The following ZBTB20 variants were observed in gnomAD, a reference collection of about 807,000 sequenced individuals.
The protein encoded by ZBTB20 is zinc finger and BTB domain-containing protein 20.
ZBTB20 carries 9 observed loss-of-function variants against 56.9 expected under a neutral mutation model. The ratio of observed to expected loss-of-function variants is 0.16; its 90% CI spans 0.10 to 0.28. The LOEUF (loss-of-function observed/expected upper bound fraction) is 0.28. ZBTB20 is among the 10% of genes least tolerant of loss of function. The probability of loss-of-function intolerance (pLI) is 1.00; values close to 1 mark genes in which losing one functional copy is unlikely to be tolerated. For missense variants in ZBTB20, 655 were observed against 1,003.0 expected (o/e 0.65, Z 4.69); for synonymous variants, 417 against 420.7 (o/e 0.99, Z 0.11).
intron 2 of ZBTB20, among the ~76,000 whole-genome samples, chr3:115,033,083 T>C (rs1313335339): frequency 6.6e-6 from 1 of 151,104 alleles, no homozygotes; most frequent in African/African-American, 2.4e-5. Context: ...AAGTTGGTTC[T>C]TCAAAAATAT....
chr3:114,481,761 G>T (rs1006962952), intron 7 of ZBTB20, among the ~76,000 whole-genome samples: 1 of 152,206 alleles, frequency 6.6e-6, no homozygotes. Flanking sequence ...ATGCTGAAAG[G>T]ACAATGGGAA....
At chr3:114,586,053 C>T (rs539273738) in intron 6 of ZBTB20, among the ~76,000 whole-genome samples, 32 of 152,250 alleles carry the variant, frequency 2.1e-4, no homozygotes, top group East Asian at 9.7e-4. Flanking sequence ...GCAACTGGTG[C>T]GCTCCTGTTT....
intron 5 of ZBTB20, among the ~76,000 whole-genome samples, chr3:114,700,797 A>G (rs1034275221): frequency 1.3e-5 from 2 of 152,178 alleles, no homozygotes; most frequent in Non-Finnish European, 2.9e-5. Context: ...GATAGCAGGG[A>G]CATTGCTGCC....
intron 6 of ZBTB20, among the ~76,000 whole-genome samples, chr3:114,674,843 T>TA (rs1455872490): frequency 6.6e-6 from 1 of 151,824 alleles, no homozygotes; most frequent in Non-Finnish European, 1.5e-5. Flanking sequence ...TTTGTTTAAA[T>TA]ATATACATAC....
At chr3:114,591,820 T>G (rs2055795728) in intron 6 of ZBTB20, among the ~76,000 whole-genome samples, 1 of 152,198 alleles carries the variant, frequency 6.6e-6, no homozygotes, top group African/African-American at 2.4e-5. Context: ...CAAATTGTTG[T>G]TATTTGGACA....
chr3:114,812,993 C>A (rs2072663703), intron 4 of ZBTB20, among the ~76,000 whole-genome samples: 1 of 152,232 alleles, frequency 6.6e-6, no homozygotes, highest in African/African-American at 2.4e-5. Context: ...TCGCGCTTGC[C>A]CGCAAGCACC....
chr3:114,454,400 T>G (rs1576841169), intron 7 of ZBTB20, among the ~76,000 whole-genome samples: 2 of 151,282 alleles, frequency 1.3e-5, no homozygotes, highest in African/African-American at 4.9e-5. Flanking sequence ...CACCCCCCGT[T>G]GTACTGCTTC....
chr3:114,556,057 C>A (rs2051180361), intron 6 of ZBTB20, among the ~76,000 whole-genome samples: 1 of 152,084 alleles, frequency 6.6e-6, no homozygotes, highest in African/African-American at 2.4e-5. Context: ...ATCTCACTAT[C>A]CACTATTAGC....
intron 3 of ZBTB20, among the ~76,000 whole-genome samples, chr3:114,934,846 T>C (rs1576365674): frequency 6.6e-6 from 1 of 152,224 alleles, no homozygotes; most frequent in South Asian, 2.1e-4. Context: ...TTGTTAATTA[T>C]CATCACAAAA....
At chr3:115,032,958 T>TAAAAAAAA (rs77048136) in intron 2 of ZBTB20, among the ~76,000 whole-genome samples, 21 of 56,428 alleles carry the variant, frequency 3.7e-4, no homozygotes, top group East Asian at 1.0e-3. Context: ...CCTAAGGAAC[T>TAAAAAAAA]AAAAAAAAAA....
At chr3:114,847,210 C>A (rs924005690) in intron 4 of ZBTB20, among the ~76,000 whole-genome samples, 1 of 151,708 alleles carries the variant, frequency 6.6e-6, no homozygotes, top group African/African-American at 2.4e-5. Flanking sequence ...TCACAATGGT[C>A]ACCTTGGAAG....
At chr3:114,589,152 A>G (rs1413272531) in intron 6 of ZBTB20, among the ~76,000 whole-genome samples, 1 of 152,230 alleles carries the variant, frequency 6.6e-6, no homozygotes, top group African/African-American at 2.4e-5. Flanking sequence ...GGGTGAGGAC[A>G]CAGCCAAACC....
intron 1 of ZBTB20, among the ~76,000 whole-genome samples, chr3:115,146,057 G>A (rs1490645134): frequency 1.3e-5 from 2 of 152,150 alleles, no homozygotes; most frequent in Admixed American, 1.3e-4. Flanking sequence ...AAGGTAACAT[G>A]TTCAACTTAG....
intron 7 of ZBTB20, among the ~76,000 whole-genome samples, chr3:114,410,020 C>T (rs971095595): frequency 6.6e-6 from 1 of 151,986 alleles, no homozygotes; most frequent in African/African-American, 2.4e-5. Flanking sequence ...TAGCCTTTAT[C>T]GAAGTCTGGG....
chr3:114,510,863 C>T lies in ZBTB20; in HGVS notation c.-294-10472G>A, dbSNP rs148508155. On this transcript the variant is annotated intron_variant, in intron 6 of 11. Transcript: ENST00000675478. Reference sequence around the variant, plus strand: ...GGGGTAAAAGACCGAGAGCTCCTTCCCTATCCCGAATAGCTTCAAGAGAAG... The same window carrying T: ...GGGGTAAAAGACCGAGAGCTCCTTCTCTATCCCGAATAGCTTCAAGAGAAG... Among the ~76,000 whole-genome samples, 682 of 152,018 alleles carry T rather than the reference C, an allele frequency of 4.5e-3. 2 individuals carry two copies. The highest frequency in any genetic ancestry group is 0.015 in the African/African-American group (638 of 41,476).
At position 114,330,903 on chromosome 3, in the gene ZBTB20, G is replaced by A. The variant is rs1560073952; in HGVS notation, c.*8102C>T. 6.6e-6 allele frequency: 1 copy of A among 152,126 alleles called. No homozygotes were observed. Among genetic ancestry groups the A allele is most frequent in the Non-Finnish European group, 1.5e-5 (1 of 68,034 alleles). 9.4% of individuals were successfully genotyped at this position (152,126 alleles called of 1,614,324 possible). A position where few individuals can be genotyped will look rare whatever the true frequency, so the allele number is the denominator to read the frequency against. On this transcript the variant is annotated 3_prime_UTR_variant, in exon 12 of 12. Coordinates refer to ENST00000675478, the MANE Select transcript of ZBTB20 (RefSeq NM_001348800.3). ...GGCATTCTACTTCAATGCTTGAGAT[G>A]GGCAAGAGCAATCAATTCCTACAGA...
intron 7 of ZBTB20, among the ~76,000 whole-genome samples, chr3:114,442,277 TAAA>T (rs933024048): frequency 1.2e-4 from 18 of 152,266 alleles, no homozygotes; most frequent in African/African-American, 4.3e-4. Flanking sequence ...ATGCTAATGA[TAAA>T]AAGAAAATGT....
chr3:114,485,781 C>T (rs1442043350), intron 7 of ZBTB20, among the ~76,000 whole-genome samples: 1 of 152,108 alleles, frequency 6.6e-6, no homozygotes, highest in Non-Finnish European at 1.5e-5. Flanking sequence ...TATGAAGATA[C>T]AGCAAGAGGT....
intron 5 of ZBTB20, among the ~76,000 whole-genome samples, chr3:114,766,723 C>G (rs1215757125): frequency 6.6e-6 from 1 of 152,012 alleles, no homozygotes; most frequent in African/African-American, 2.4e-5. Context: ...TTTATTTCAG[C>G]CAATTATCAA....
Sources: allele counts gnomAD v4.1 joint callset (sites outside exome capture counted in the v4.1 genomes callset), GRCh38; gene constraint gnomAD v4.1.1; transcripts MANE v1.5; gene names NCBI Gene and HGNC (gene_info 2026-07-23, HGNC 2026-07-21).